Variants in DOCK8 observed in about 807,000 individuals in gnomAD.
DOCK8 encodes dedicator of cytokinesis 8.
A neutral mutation model predicts 245.6 loss-of-function variants in DOCK8; 141 were observed. That is an observed-to-expected ratio of 0.57 (90% confidence interval 0.50 to 0.66). DOCK8 has a LOEUF of 0.66. Among genes scored for constraint, DOCK8 ranks in the 30% least tolerant of loss-of-function variants. The pLI, the probability that DOCK8 is intolerant of heterozygous loss-of-function variation, is 0.00. For synonymous variants in DOCK8, 1,168 were observed against 970.2 expected (o/e 1.20, Z -3.79); for missense variants, 2,965 against 2,603.4 (o/e 1.14, Z -3.02).
intron 30 of DOCK8, among the ~76,000 whole-genome samples, chr9:419,554 A>C (rs1335617194): frequency 6.6e-6 from 1 of 152,226 alleles, no homozygotes; most frequent in Non-Finnish European, 1.5e-5. Context: ...AACTCAGAAT[A>C]ACTAAAGTTA....
chr9:420,243 G>C, intron 30 of DOCK8, 158 bp from the exon 31 acceptor site: 1 of 810,924 alleles, frequency 1.2e-6, no homozygotes, highest in Non-Finnish European at 2.0e-6. Context: ...AGGGAAGGCA[G>C]GGCTACTGGC....
chr9:408,655 G>A (rs955915812), intron 28 of DOCK8, among the ~76,000 whole-genome samples: 1 of 152,132 alleles, frequency 6.6e-6, no homozygotes, highest in Non-Finnish European at 1.5e-5. Flanking sequence ...TCCTTTAATA[G>A]CAGTACTTTA....
At chr9:337,582 C>T (rs1038218724) in intron 12 of DOCK8, among the ~76,000 whole-genome samples, 2 of 152,126 alleles carry the variant, frequency 1.3e-5, no homozygotes, top group Non-Finnish European at 2.9e-5. Flanking sequence ...GTTTCCAGGG[C>T]TCCCTGCTTG....
chr9:432,075 A>T, intron 36 of DOCK8, 91 bp from the exon 37 acceptor site: 1 of 1,295,924 alleles, frequency 7.7e-7, no homozygotes, highest in Non-Finnish European at 1.1e-6. Context: ...AACACTGAGG[A>T]GTTGTTTGTG....
intron 12 of DOCK8, 62 bp downstream of exon 12, chr9:336,780 C>T: frequency 6.2e-7 from 1 of 1,600,392 alleles, no homozygotes. Context: ...CACTGGAACC[C>T]ACAGGAGGAG....
In DOCK8 at chr9:325,714, T is replaced by C; in HGVS notation, c.871T>C (p.Tyr291His). ...GCCCCTGTTTGCCAGCATTGCCCTCTACGATGTTAAAGAAAGGAAAAAGGT... is the reference window on the plus strand; with the variant it reads ...GCCCCTGTTTGCCAGCATTGCCCTCCACGATGTTAAAGAAAGGAAAAAGGT... Reference protein sequence around the residue: ...IEPLFASIALYDVKERKKISE... With the variant: ...IEPLFASIALHDVKERKKISE... Residue 291 changes from tyrosine to histidine, a missense_variant, in exon 8 of 48, where the codon TAC becomes CAC. Physicochemically the swap from Tyr to His is moderately conservative, Grantham distance 83 (BLOSUM62 2). Around this residue, in one of 3 missense-constraint regions of DOCK8, gnomAD observed 2,825 missense variants for 2,453.5 expected, o/e 1.15. Coordinates refer to ENST00000432829, the MANE Select transcript of DOCK8 (RefSeq NM_203447.4). 1 of 1,614,108 alleles carries C rather than the reference T, an allele frequency of 6.2e-7. No homozygotes were observed. The highest frequency in any genetic ancestry group is 8.5e-7 in the Non-Finnish European group (1 of 1,179,944).
Position 404,946 on chromosome 9 carries a change from C to T in DOCK8, c.3263C>T (p.Thr1088Met), listed in dbSNP as rs149065013. ...QLSAKLSNLPTLISMRLEFLR... is the reference protein window; with the variant it reads ...QLSAKLSNLPMLISMRLEFLR... ...TCAGCCAAGCTCAGTAACCTTCCAA[C>T]GCTCATTTCCATGAGGCTAGAGTTC... Residue 1088 changes from threonine (T) to methionine (M), a missense_variant, in exon 27 of 48, where the codon ACG (threonine) becomes ATG (methionine). Thr to Met is a moderately conservative substitution (Grantham distance 81, BLOSUM62 -1). Around this residue, in one of 3 missense-constraint regions of DOCK8, gnomAD observed 2,825 missense variants for 2,453.5 expected, o/e 1.15. Transcript: ENST00000432829. 1.1e-4 allele frequency: 173 copies of T among 1,614,060 alleles called. 1 individual carries two copies. In the African/African-American group the frequency reaches 1.9e-3, roughly 18 times the overall value.
At chr9:412,598 A>G (rs574286197) in intron 28 of DOCK8, among the ~76,000 whole-genome samples, 6 of 152,268 alleles carry the variant, frequency 3.9e-5, no homozygotes, top group African/African-American at 1.2e-4. Context: ...ACAAGAATCA[A>G]TTGTGTTTCT....
intron 8 of DOCK8, among the ~76,000 whole-genome samples, chr9:327,450 G>A (rs1056940310): frequency 1.7e-4 from 25 of 146,156 alleles, no homozygotes; most frequent in Admixed American, 1.0e-3. Flanking sequence ...CTGGCATGCA[G>A]TGGGGCGATC....
At chr9:462,360 A>C (rs1306082052) in intron 46 of DOCK8, among the ~76,000 whole-genome samples, 2 of 152,154 alleles carry the variant, frequency 1.3e-5, no homozygotes, top group Non-Finnish European at 2.9e-5. Flanking sequence ...TAGAATTTCC[A>C]TTTCTCAATA....
chr9:310,683 A>G (rs111568018), intron 5 of DOCK8, among the ~76,000 whole-genome samples: 21,142 of 151,714 alleles, frequency 0.14, 1,586 homozygotes, highest in Admixed American at 0.17. Context: ...CTGATCTTGA[A>G]CTCCTGACCT....
intron 1 of DOCK8, among the ~76,000 whole-genome samples, chr9:259,143 A>G (rs1482457542): frequency 6.6e-6 from 1 of 152,136 alleles, no homozygotes; most frequent in African/African-American, 2.4e-5. Flanking sequence ...CCATCTCGAC[A>G]TAAAATTAAA....
In DOCK8 at chr9:312,071, C is replaced by G. The variant is rs749762726; in HGVS notation, c.646C>G (p.Gln216Glu). ...PDKRLENLLQ[Q>E]VSAEDFEKQN... ...CAAGCGGCTAGAAAACCTCCTGCAG[C>G]AAGTGAGTGCCGAGGACTTTGAGAA... The change falls in exon 6 of 48, where the codon CAA (glutamine) becomes GAA (glutamate). Residue 216 changes from glutamine to glutamate, a missense_variant. Physicochemically the swap from Gln to Glu is conservative, Grantham distance 29. Transcript: ENST00000432829. 3 of 1,614,216 alleles carry G rather than the reference C, an allele frequency of 1.9e-6. No homozygotes were observed. Among genetic ancestry groups the G allele is most frequent in the Non-Finnish European group, 2.5e-6 (3 of 1,180,036 alleles).
intron 5 of DOCK8, among the ~76,000 whole-genome samples, chr9:306,823 T>A (rs1266880019): frequency 6.6e-6 from 1 of 151,974 alleles, no homozygotes; most frequent in African/African-American, 2.4e-5. Flanking sequence ...GATCTTGGAG[T>A]TGTCAGAACG....
At chr9:439,166 T>C in intron 39 of DOCK8, 79 bp from the exon 40 acceptor site, 1 of 1,589,446 alleles carries the variant, frequency 6.3e-7, no homozygotes. Flanking sequence ...AGCTTCCTCG[T>C]TTCCCCATTC....
At chr9:350,017 A>G (rs2052080021) in intron 14 of DOCK8, among the ~76,000 whole-genome samples, 3 of 152,168 alleles carry the variant, frequency 2.0e-5, no homozygotes, top group South Asian at 2.1e-4. Flanking sequence ...TGTTGAAAAC[A>G]TGGCCTCCCC....
Position 311,916 on chromosome 9 carries a change from C to T in DOCK8, c.529-38C>T, listed in dbSNP as rs1247450158. On this transcript the variant is annotated intron_variant, in intron 5 of 47. Transcript: ENST00000432829. ...TTCTTCGGTTCTCATTTTAGACTTGCCGTCTCTCTCACAAAGACCCACTGT... is the reference window on the plus strand; with the variant it reads ...TTCTTCGGTTCTCATTTTAGACTTGTCGTCTCTCTCACAAAGACCCACTGT... 2.5e-6 allele frequency: 4 copies of T among 1,607,714 alleles called. No individual in the cohort carries two copies. In the East Asian group the frequency reaches 8.9e-5, roughly 36 times the overall value.
intron 1 of DOCK8, among the ~76,000 whole-genome samples, chr9:235,902 C>T (rs1350604721): frequency 6.6e-6 from 1 of 152,208 alleles, no homozygotes; most frequent in Admixed American, 6.5e-5. Flanking sequence ...TGCGCTGCAC[C>T]CACTGTCCTG....
intron 4 of DOCK8, 48 bp from the exon 5 acceptor site, chr9:304,533 G>C: frequency 1.2e-6 from 2 of 1,611,598 alleles, no homozygotes; most frequent in Non-Finnish European, 1.7e-6. Context: ...ATGGTTTGCC[G>C]CTCTCTCTCC....
Sources: gnomAD v4.1 joint callset for allele counts (sites outside exome capture counted in the v4.1 genomes callset) on GRCh38, gnomAD v4.1.1 for gene constraint, gnomAD v4.1.1 regional missense constraint, MANE v1.5 for transcripts, NCBI Gene and HGNC (gene_info 2026-07-23, HGNC 2026-07-21) for gene names.